The following CXADR variants were observed in gnomAD, a reference collection of about 807,000 sequenced individuals.
The protein encoded by CXADR is CXADR cell adhesion molecule.
Under a neutral mutation model 40.3 loss-of-function variants are expected in CXADR, and 20 were observed. The observed-to-expected ratio is 0.50, with a 90% CI of 0.35 to 0.72. The LOEUF (loss-of-function observed/expected upper bound fraction) is 0.72, where lower values mean the gene tolerates loss of function less well. CXADR is among the 30% of genes least tolerant of loss of function. CXADR has a pLI of 0.01. For missense variants in CXADR, 332 were observed against 449.1 expected (o/e 0.74, Z 2.36); for synonymous variants, 150 against 161.3 (o/e 0.93, Z 0.53).
intron 1 of CXADR, among the ~76,000 whole-genome samples, chr21:17,536,232 A>C (rs74405693): frequency 6.6e-6 from 1 of 152,190 alleles, no homozygotes; most frequent in Non-Finnish European, 1.5e-5. Flanking sequence ...TTTTCTTAAC[A>C]TACTTCTTTT....
chr21:17,629,356 G>T, the CXADR span, among the ~76,000 whole-genome samples: 2 of 149,498 alleles, frequency 1.3e-5, no homozygotes, highest in Admixed American at 6.7e-5. Flanking sequence ...CTCCAGCCTG[G>T]GCGACAGAGA....
At chr21:17,594,670 A>G (rs1316373281), downstream of CXADR, among the ~76,000 whole-genome samples, 1 of 152,114 alleles carries the variant, frequency 6.6e-6, no homozygotes, top group African/African-American at 2.4e-5. Context: ...TGGCTAAGCC[A>G]GGAGTCACTT....
intron 6 of CXADR, among the ~76,000 whole-genome samples, chr21:17,564,410 A>G (rs890061678): frequency 9.2e-5 from 14 of 152,094 alleles, no homozygotes; most frequent in Non-Finnish European, 1.8e-4. Flanking sequence ...TAGATTACTT[A>G]TAATACCTAA....
intron 3 of CXADR, among the ~76,000 whole-genome samples, chr21:17,557,073 T>G (rs2061045317): frequency 1.3e-5 from 2 of 152,174 alleles, no homozygotes; most frequent in African/African-American, 4.8e-5. Context: ...TTACCTTTAT[T>G]CATAGTAGTG....
chr21:17,517,697 C>T (rs2060478046), intron 1 of CXADR, among the ~76,000 whole-genome samples: 1 of 151,562 alleles, frequency 6.6e-6, no homozygotes, highest in Admixed American at 6.6e-5. Context: ...AGTTGTTGTT[C>T]CTCAAGATGA....
At chr21:17,635,597 A>G in the CXADR span, among the ~76,000 whole-genome samples, 1 of 152,184 alleles carries the variant, frequency 6.6e-6, no homozygotes, top group Non-Finnish European at 1.5e-5. Context: ...TTTCAAATCA[A>G]AAAGTTTTTG....
chr21:17,616,267 GA>G, the CXADR span, among the ~76,000 whole-genome samples: 5 of 141,996 alleles, frequency 3.5e-5, no homozygotes, highest in Non-Finnish European at 1.5e-5. Flanking sequence ...AGAAAAGAAG[GA>G]AAAAAAAACA....
chr21:17,587,081 T>C (rs912098269), intron 7 of CXADR, among the ~76,000 whole-genome samples: 5 of 152,268 alleles, frequency 3.3e-5, no homozygotes, highest in Non-Finnish European at 5.9e-5. Context: ...TCATTTTTTA[T>C]GGCTGCATAG....
intron 3 of CXADR, among the ~76,000 whole-genome samples, chr21:17,552,806 A>C (rs992383857): frequency 2.0e-5 from 3 of 152,168 alleles, no homozygotes; most frequent in Admixed American, 6.5e-5. Context: ...GACTGGAAAT[A>C]ACTGATCAGG....
intron 4 of CXADR, among the ~76,000 whole-genome samples, chr21:17,559,665 T>A (rs2061083584): frequency 3.1e-5 from 1 of 31,800 alleles, no homozygotes; most frequent in Non-Finnish European, 6.7e-5. Context: ...GTACTTTTTT[T>A]TGGGTTTTTT....
chr21:17,543,271 A>G (rs2060853183), intron 1 of CXADR, among the ~76,000 whole-genome samples: 1 of 152,182 alleles, frequency 6.6e-6, no homozygotes, highest in Non-Finnish European at 1.5e-5. Context: ...ATATATGACT[A>G]TTTTAAGGCA....
chr21:17,615,595 T>C, the CXADR span, among the ~76,000 whole-genome samples: 2 of 152,196 alleles, frequency 1.3e-5, no homozygotes, highest in Non-Finnish European at 2.9e-5. Flanking sequence ...AATATCTTAT[T>C]GTACTGTACC....
At chr21:17,560,907 A>G (rs2061109589) in intron 5 of CXADR, 83 bp downstream of exon 5, 1 of 1,559,090 alleles carries the variant, frequency 6.4e-7, no homozygotes, top group South Asian at 1.2e-5. Flanking sequence ...AGTGTGTATT[A>G]AGGACAAAGG....
At position 17,568,993 on chromosome 21, in the gene CXADR, GAT is replaced by G. The variant is rs2061250982; in HGVS notation, c.*3303_*3304del. ...AGAGATACCTGATTTTTATTAAAAA[GAT>G]ACTTTTTCAAATTTAAGAGTTAATC... On this transcript the variant is annotated 3_prime_UTR_variant, in exon 7 of 7. Transcript: ENST00000284878. The G allele has an allele frequency of 1.0e-6, 1 of 983,752 alleles. No individual in the cohort carries two copies. 60.9% of individuals were successfully genotyped at this position (983,752 alleles called of 1,614,324 possible). A position where few individuals can be genotyped will look rare whatever the true frequency, so the allele number is the denominator to read the frequency against.
chr21:17,547,895 T>G lies in CXADR; in HGVS notation c.210+702T>G, dbSNP rs143090945. On this transcript the variant is annotated intron_variant, in intron 2 of 6. Coordinates refer to ENST00000284878, the MANE Select transcript of CXADR (RefSeq NM_001338.5). The stretch of plus-strand genomic sequence containing the variant: ...GTTTCAGTATTTTTTCTAATCAAAG[T>G]AATAAGAGTCTAATGTAGAAAACTT... Among the ~76,000 whole-genome samples the G allele has an allele frequency of 5.4e-3, 818 of 152,240 alleles. 3 individuals carry two copies. The highest frequency in any genetic ancestry group is 0.019 in the African/African-American group (791 of 41,550).
At chr21:17,591,487 A>G (rs2061434618) in intron 7 of CXADR, among the ~76,000 whole-genome samples, 1 of 152,030 alleles carries the variant, frequency 6.6e-6, no homozygotes. Context: ...ATGCTTTATT[A>G]TCTTAACTTG....
chr21:17,514,197 G>C (rs1195125239), intron 1 of CXADR, among the ~76,000 whole-genome samples: 1 of 152,006 alleles, frequency 6.6e-6, no homozygotes, highest in Admixed American at 6.6e-5. Flanking sequence ...TATAGCCTCT[G>C]GAAGGGTAAT....
At position 17,569,585 on chromosome 21, in the gene CXADR, T is replaced by A. The variant is rs1042647893; in HGVS notation, c.*3893T>A. The A allele has an allele frequency of 1.0e-6, 1 of 985,188 alleles. No homozygotes were observed. Among genetic ancestry groups the A allele is most frequent in the Non-Finnish European group, 1.2e-6 (1 of 829,832 alleles). The allele number at this position is 985,188 out of a possible 1,614,324, so 61.0% of individuals were successfully genotyped here. On this transcript the variant is annotated 3_prime_UTR_variant, in exon 7 of 7. Transcript: ENST00000284878. ...TAAATGTTATAGAAGCAGGGAAGAA[T>A]AATAAACACATTTGTGAATTGTGGT... is the stretch of plus-strand genomic sequence containing the variant.
chr21:17,582,078 G>A (rs2061364966), intron 7 of CXADR, among the ~76,000 whole-genome samples: 1 of 74,688 alleles, frequency 1.3e-5, no homozygotes, highest in Non-Finnish European at 2.5e-5. Context: ...TGAGTGGCTG[G>A]GATTACAGGC....
Sources: gnomAD v4.1 joint callset for allele counts (sites outside exome capture counted in the v4.1 genomes callset) on GRCh38, gnomAD v4.1.1 for gene constraint, MANE v1.5 for transcripts, NCBI Gene and HGNC (gene_info 2026-07-23, HGNC 2026-07-21) for gene names.